Variants in DIP2C observed in about 807,000 individuals in gnomAD.
DIP2C encodes the protein disco-interacting protein 2 homolog C.
In DIP2C, 33 loss-of-function variants were observed where a neutral mutation model predicts 192.4. The observed-to-expected ratio is 0.17, with a 90% CI of 0.13 to 0.23. DIP2C has a LOEUF of 0.23. Among genes scored for constraint, DIP2C ranks in the 10% least tolerant of loss-of-function variants. The pLI, the probability that DIP2C is intolerant of heterozygous loss-of-function variation, is 1.00. For missense variants in DIP2C, 1,537 were observed against 2,110.1 expected, an observed-to-expected ratio of 0.73 and a Z score of 5.32; for synonymous variants, 979 against 864.1, an observed-to-expected ratio of 1.13 and a Z score of -2.33.
intron 14 of DIP2C, among the ~76,000 whole-genome samples, chr10:387,490 G>A (rs1184539259): frequency 1.4e-5 from 2 of 146,160 alleles, no homozygotes; most frequent in Admixed American, 6.8e-5. Context: ...CAGGCAGTGC[G>A]GGCGGCGGGG....
intron 19 of DIP2C, chr10:364,941 G>A: frequency 3.7e-6 from 2 of 537,790 alleles, no homozygotes; most frequent in South Asian, 3.0e-5. Flanking sequence ...AAGAGTCAAG[G>A]TACATTTTAA....
At chr10:661,366 T>TCTA (rs1856752128) in intron 1 of DIP2C, among the ~76,000 whole-genome samples, 1 of 152,104 alleles carries the variant, frequency 6.6e-6, no homozygotes, top group Admixed American at 6.5e-5. Context: ...TCCTCAGCTG[T>TCTA]GTCTTGGTCC....
intron 36 of DIP2C, among the ~76,000 whole-genome samples, chr10:280,221 A>C (rs1284697909): frequency 1.3e-5 from 2 of 152,228 alleles, no homozygotes; most frequent in African/African-American, 2.4e-5. Flanking sequence ...CAAATTCAGC[A>C]AATGGCAGTA....
intron 1 of DIP2C, among the ~76,000 whole-genome samples, chr10:619,368 G>A (rs1035498031): frequency 1.2e-4 from 18 of 152,208 alleles, no homozygotes; most frequent in Non-Finnish European, 2.4e-4. Flanking sequence ...TGGCTCCGGG[G>A]AAGCGACCGT....
intron 1 of DIP2C, among the ~76,000 whole-genome samples, chr10:603,543 C>G (rs148825191): frequency 6.6e-6 from 1 of 152,012 alleles, no homozygotes. Context: ...ATACTGTGAT[C>G]GAAATCTAAC....
intron 1 of DIP2C, among the ~76,000 whole-genome samples, chr10:546,935 A>G (rs962359729): frequency 1.3e-5 from 2 of 152,208 alleles, no homozygotes; most frequent in African/African-American, 4.8e-5. Context: ...GAAAGAATCA[A>G]TTTGTTCATT....
intron 3 of DIP2C, among the ~76,000 whole-genome samples, chr10:459,550 A>G (rs1005916738): frequency 6.6e-6 from 1 of 152,236 alleles, no homozygotes; most frequent in Non-Finnish European, 1.5e-5. Context: ...GGGTTCTAGT[A>G]TCTTCCTCTC....
chr10:408,112 A>T (rs1395494618), intron 9 of DIP2C, among the ~76,000 whole-genome samples: 1 of 150,358 alleles, frequency 6.7e-6, no homozygotes, highest in Admixed American at 6.6e-5. Context: ...TTTTGAATGA[A>T]TTTTTTGCAT....
chr10:614,632 C>T (rs981502390), intron 1 of DIP2C, among the ~76,000 whole-genome samples: 14 of 152,236 alleles, frequency 9.2e-5, no homozygotes, highest in African/African-American at 3.1e-4. Flanking sequence ...TGCTGAGCCC[C>T]GAAACATGGC....
chr10:617,503 A>C (rs2085345), intron 1 of DIP2C, among the ~76,000 whole-genome samples: 29,961 of 151,840 alleles, frequency 0.2, 4,529 homozygotes, highest in African/African-American at 0.42. Flanking sequence ...CCTTCTATGC[A>C]CCCTCTGCCA....
At chr10:286,470 C>G (rs1955137542) in intron 33 of DIP2C, 123 bp from the exon 34 acceptor site, 2 of 858,058 alleles carry the variant, frequency 2.3e-6, no homozygotes, top group African/African-American at 3.3e-5. Flanking sequence ...GCAATTAAAT[C>G]AAAACTATAT....
At chr10:414,758 A>ATATATATATATATATATATAT (rs1965483166) in intron 7 of DIP2C, among the ~76,000 whole-genome samples, 1 of 35,472 alleles carries the variant, frequency 2.8e-5, no homozygotes, top group Non-Finnish European at 5.6e-5. Flanking sequence ...TATATATATA[A>ATATATATATATATATATATAT]TGTGTATATA....
chr10:517,217 A>C (rs1258490730), intron 1 of DIP2C, among the ~76,000 whole-genome samples: 13 of 152,034 alleles, frequency 8.6e-5, no homozygotes, highest in Non-Finnish European at 1.9e-4. Context: ...TCTCCACTGG[A>C]TTCATCAAAT....
chr10:659,686 C>T (rs1265171157), intron 1 of DIP2C, among the ~76,000 whole-genome samples: 2 of 152,222 alleles, frequency 1.3e-5, no homozygotes, highest in African/African-American at 4.8e-5. Context: ...TATTTGACCT[C>T]GGAATGAATA....
chr10:643,141 G>A (rs933576779), intron 1 of DIP2C, among the ~76,000 whole-genome samples: 18 of 151,442 alleles, frequency 1.2e-4, no homozygotes, highest in African/African-American at 4.4e-4. Flanking sequence ...GGCAGAGATT[G>A]CAGTGAGTGG....
rs1407312033 is a variant in DIP2C, at chr10:390,774, T to C, written c.1350A>G (p.Pro450=). 1.9e-6 allele frequency: 3 copies of C among 1,614,190 alleles called. No homozygotes were observed. Among genetic ancestry groups the C allele is most frequent in the Non-Finnish European group, 2.5e-6 (3 of 1,180,028 alleles). Residue 450 remains proline, a synonymous_variant, in exon 11 of 37, where the codon CCA becomes CCG. Transcript: ENST00000280886. ...LTSDACHKGL[P]KSPTGEIPQF... is the part of the protein sequence containing the mutation. ...GTGGGATCTCTCCCGTTGGGCTTTT[T>C]GGAAGTCCTTTATGGCAGGCGTCAC...
chr10:431,375 A>C (rs1022126498), intron 4 of DIP2C, among the ~76,000 whole-genome samples: 1 of 152,242 alleles, frequency 6.6e-6, no homozygotes, highest in East Asian at 1.9e-4. Flanking sequence ...AGTTTTCCTC[A>C]TAAGATCTTG....
chr10:567,083 A>T (rs762953067), intron 1 of DIP2C, among the ~76,000 whole-genome samples: 2 of 152,228 alleles, frequency 1.3e-5, no homozygotes, highest in Non-Finnish European at 2.9e-5. Flanking sequence ...GATCAGCATC[A>T]TCTGAGAATC....
At chr10:610,237 TC>T (rs1852988961) in intron 1 of DIP2C, among the ~76,000 whole-genome samples, 2 of 152,190 alleles carry the variant, frequency 1.3e-5, no homozygotes, top group South Asian at 4.1e-4. Flanking sequence ...GTGCATGTTC[TC>T]ACTCATGAGC....
Sources: gnomAD v4.1 joint callset for allele counts (sites outside exome capture counted in the v4.1 genomes callset) on GRCh38, gnomAD v4.1.1 for gene constraint, MANE v1.5 for transcripts, NCBI Gene and HGNC (gene_info 2026-07-23, HGNC 2026-07-21) for gene names.